STOX1: variants seen among roughly 807,000 people sequenced by gnomAD.
STOX1 encodes the protein storkhead box 1.
Under a neutral mutation model 74.8 loss-of-function variants are expected in STOX1, and 57 were observed. That is an observed-to-expected ratio of 0.76 (90% CI 0.62 to 0.95). The LOEUF (loss-of-function observed/expected upper bound fraction) is 0.95, where lower values mean the gene tolerates loss of function less well. Among genes scored for constraint, STOX1 ranks in the 40% least tolerant of loss-of-function variants. The pLI is 0.00. For missense variants in STOX1, 1,010 were observed against 1,117.0 expected, an observed-to-expected ratio of 0.90 and a Z score of 1.37; for synonymous variants, 375 against 401.3, an observed-to-expected ratio of 0.93 and a Z score of 0.78.
chr10:68,882,212 C>T, intron 2 of STOX1, 102 bp downstream of exon 2: 2 of 1,164,754 alleles, frequency 1.7e-6, no homozygotes, highest in Middle Eastern at 2.3e-4. Flanking sequence ...CCTTTTTTCC[C>T]CTCTTCTATA....
intron 1 of STOX1, among the ~76,000 whole-genome samples, chr10:68,844,873 C>T (rs763152343): frequency 1.2e-4 from 18 of 151,836 alleles, no homozygotes; most frequent in South Asian, 4.2e-4. Flanking sequence ...ATTGATTCTC[C>T]GGCCTCAGCC....
rs764004744 is a variant in STOX1 at position 68,885,255 on chromosome 10, T to A, written c.1459T>A (p.Leu487Met). Residue 487 changes from leucine to methionine, a missense_variant, in exon 3 of 4, where the codon TTG becomes ATG. Transcript: ENST00000298596. ...GATTACAACAGTGCTAGGTTCCCAT[T>A]TGATTTACAAAAAGCGAATCAGTAA... ...GEITTVLGSH[L>M]IYKKRISNPF... is the part of the protein sequence containing the mutation. 3.2e-5 allele frequency: 51 copies of A among 1,614,200 alleles called. 2 individuals are homozygous for A. The South Asian group carries it at 5.6e-4, about 18-fold the overall frequency.
intron 1 of STOX1, among the ~76,000 whole-genome samples, chr10:68,861,021 C>G (rs1438481998): frequency 2.0e-5 from 3 of 152,056 alleles, no homozygotes; most frequent in Admixed American, 2.0e-4. Flanking sequence ...CCAGCCTGAC[C>G]AACATGGAGA....
At chr10:68,861,124 C>T (rs1239271530) in intron 1 of STOX1, among the ~76,000 whole-genome samples, 1 of 152,008 alleles carries the variant, frequency 6.6e-6, no homozygotes, top group African/African-American at 2.4e-5. Context: ...GAGACCCCAA[C>T]CCAGCAGTGC....
chr10:68,874,123 A>G (rs1166962987), intron 1 of STOX1, among the ~76,000 whole-genome samples: 1 of 149,194 alleles, frequency 6.7e-6, no homozygotes, highest in Non-Finnish European at 1.5e-5. Context: ...TTAAAAAGGC[A>G]GTAACCTAAA....
intron 1 of STOX1, among the ~76,000 whole-genome samples, chr10:68,837,796 G>T (rs1589215579): frequency 6.6e-6 from 1 of 152,208 alleles, no homozygotes; most frequent in Non-Finnish European, 1.5e-5. Flanking sequence ...GTTGCCTCAT[G>T]TGTTGGTAGG....
chr10:68,894,058 T>G (rs574116655), downstream of STOX1, among the ~76,000 whole-genome samples: 139 of 148,368 alleles, frequency 9.4e-4, no homozygotes, highest in African/African-American at 3.0e-3. Context: ...GGAATGTCTT[T>G]TCTTTTCTTT....
chr10:68,887,016 A>G lies in STOX1; in HGVS notation c.2822+398A>G, dbSNP rs370430920. ...TTTTGTTAACTAGTCAGAGACTACT[A>G]TCACACTTCTATAATGATACAATTC... is the stretch of plus-strand genomic sequence containing the variant. On this transcript the variant is annotated intron_variant, in intron 3 of 3. Coordinates refer to ENST00000298596, the MANE Select transcript of STOX1 (RefSeq NM_152709.5). 1.7e-4 allele frequency among the ~76,000 whole-genome samples: 26 copies of G among 152,308 alleles called. No homozygotes were observed. In the South Asian group the frequency reaches 5.4e-3, roughly 32 times the overall value.
intron 1 of STOX1, among the ~76,000 whole-genome samples, chr10:68,872,073 G>T (rs1192785122): frequency 6.6e-6 from 1 of 151,992 alleles, no homozygotes; most frequent in African/African-American, 2.4e-5. Context: ...CATCCCTAAT[G>T]CGCATAGAAG....
In STOX1 at chr10:68,843,882, C is replaced by G. The variant is rs373608270; in HGVS notation, c.310+15949C>G. Among the ~76,000 whole-genome samples, 1,011 of 151,112 alleles carry G rather than the reference C, an allele frequency of 6.7e-3. 8 individuals carry two copies. The highest frequency in any genetic ancestry group is 0.024 in the African/African-American group (971 of 41,298). ...GCCTATTTTATTATTTTTGGCTGGA[C>G]TAATAGTTGGATAGTGGGCCGGGCG... On this transcript the variant is annotated intron_variant, in intron 1 of 3. Coordinates refer to ENST00000298596, the MANE Select transcript of STOX1 (RefSeq NM_152709.5).
intron 1 of STOX1, among the ~76,000 whole-genome samples, chr10:68,862,176 T>G (rs2133561984): frequency 6.6e-6 from 1 of 152,110 alleles, no homozygotes; most frequent in Non-Finnish European, 1.5e-5. Context: ...CAGTGATCAG[T>G]CCCATAATAA....
intron 1 of STOX1, among the ~76,000 whole-genome samples, chr10:68,839,495 T>C (rs1048369219): frequency 2.1e-5 from 3 of 139,768 alleles, no homozygotes; most frequent in African/African-American, 8.5e-5. Flanking sequence ...AAAAATGACT[T>C]TGGAAAGAAA....
chr10:68,860,740 C>T (rs186074505), intron 1 of STOX1, among the ~76,000 whole-genome samples: 1 of 152,082 alleles, frequency 6.6e-6, no homozygotes, highest in Non-Finnish European at 1.5e-5. Flanking sequence ...GTGTTATCTG[C>T]CACAAGGGAT....
intron 1 of STOX1, among the ~76,000 whole-genome samples, chr10:68,844,640 T>G (rs1357699596): frequency 6.6e-6 from 1 of 152,214 alleles, no homozygotes; most frequent in African/African-American, 2.4e-5. Flanking sequence ...GTTTTGCCCA[T>G]GAAAAAAGTT....
intron 1 of STOX1, among the ~76,000 whole-genome samples, chr10:68,860,603 G>T (rs1244551289): frequency 1.3e-5 from 2 of 148,392 alleles, no homozygotes; most frequent in African/African-American, 5.0e-5. Flanking sequence ...GGTCTAATTG[G>T]CCACACTTAT....
chr10:68,835,627 A>G (rs1004084071), intron 1 of STOX1, among the ~76,000 whole-genome samples: 3 of 152,184 alleles, frequency 2.0e-5, no homozygotes, highest in African/African-American at 4.8e-5. Context: ...AAGTGCTGGG[A>G]TAACAGGCAT....
chr10:68,846,170 G>A (rs1040213712), intron 1 of STOX1, among the ~76,000 whole-genome samples: 1 of 103,438 alleles, frequency 9.7e-6, no homozygotes, highest in South Asian at 2.8e-4. Flanking sequence ...TATTTGAGAC[G>A]GAGTCTCGCT....
intron 1 of STOX1, among the ~76,000 whole-genome samples, chr10:68,854,300 T>C (rs1840066757): frequency 6.6e-6 from 1 of 151,378 alleles, no homozygotes; most frequent in Non-Finnish European, 1.5e-5. Flanking sequence ...CAGCCCGTTT[T>C]TTGTCTTTTG....
chr10:68,872,320 A>G (rs573937420), intron 1 of STOX1, among the ~76,000 whole-genome samples: 108 of 149,176 alleles, frequency 7.2e-4, no homozygotes, highest in African/African-American at 2.6e-3. Flanking sequence ...AATGCTAGGG[A>G]TTAGTTTTTT....
Sources: gnomAD v4.1 joint callset for allele counts (sites outside exome capture counted in the v4.1 genomes callset) on GRCh38, gnomAD v4.1.1 for gene constraint, MANE v1.5 for transcripts, NCBI Gene and HGNC (gene_info 2026-07-23, HGNC 2026-07-21) for gene names.